The following RNF130 variants were observed in gnomAD, a reference collection of about 807,000 sequenced individuals.
RNF130 encodes the protein ring finger protein 130.
A neutral mutation model predicts 44.6 loss-of-function variants in RNF130; 21 were observed. The observed-to-expected ratio is 0.47, with a 90% confidence interval of 0.33 to 0.68. RNF130 has a LOEUF of 0.68. Among genes scored for constraint, RNF130 ranks in the 30% least tolerant of loss-of-function variants. RNF130 has a pLI of 0.02. For missense variants in RNF130, 479 were observed against 560.6 expected (o/e 0.85, Z 1.47); for synonymous variants, 214 against 210.4 (o/e 1.02, Z -0.15).
intron 8 of RNF130, 80 bp from the exon 9 acceptor site, chr5:179,955,749 G>T: frequency 8.3e-7 from 1 of 1,199,590 alleles, no homozygotes; most frequent in Non-Finnish European, 1.2e-6. Flanking sequence ...GACCCTAACT[G>T]AAGGGTGGCC....
chr5:180,071,722 G>A lies in RNF130; in HGVS notation c.-20C>T, dbSNP rs1218680189. 1.1e-4 allele frequency: 138 copies of A among 1,237,470 alleles called. No individual in the cohort carries two copies. The highest frequency in any genetic ancestry group is 1.4e-4 in the Non-Finnish European group (136 of 991,714). The allele number at this position is 1,237,470 out of a possible 1,614,324, so 76.7% of individuals were successfully genotyped here. ...GCTCATCGTCCCTCCGGCAGCCGCC[G>A]CTGCTCGCGGACCGGGCTCCGGGGC... On this transcript the variant is annotated 5_prime_UTR_variant, in exon 1 of 9. Coordinates refer to ENST00000521389, the MANE Select transcript of RNF130 (RefSeq NM_018434.6).
intron 2 of RNF130, among the ~76,000 whole-genome samples, chr5:180,030,503 G>A (rs572057353): frequency 4.6e-5 from 7 of 152,138 alleles, no homozygotes; most frequent in South Asian, 2.1e-4. Flanking sequence ...ATTCACTCAC[G>A]CCGTTTTTAA....
chr5:180,056,223 A>C (rs577336623), intron 1 of RNF130, among the ~76,000 whole-genome samples: 1 of 151,686 alleles, frequency 6.6e-6, no homozygotes, highest in Non-Finnish European at 1.5e-5. Context: ...TCTTAGCCTA[A>C]GTGTTGAGCC....
intron 7 of RNF130, among the ~76,000 whole-genome samples, chr5:179,936,070 T>C (rs1424564505): frequency 2.0e-5 from 3 of 152,236 alleles, no homozygotes; most frequent in Admixed American, 6.5e-5. Context: ...TCCTTCTGCC[T>C]GAAAAACTAG....
chr5:180,056,408 G>C (rs1257208827), intron 1 of RNF130, among the ~76,000 whole-genome samples: 3 of 152,206 alleles, frequency 2.0e-5, no homozygotes, highest in Non-Finnish European at 4.4e-5. Flanking sequence ...GCTGCAACAG[G>C]TGTGGAGAGA....
chr5:179,962,464 G>A (rs1025271649), intron 8 of RNF130, among the ~76,000 whole-genome samples: 11 of 152,116 alleles, frequency 7.2e-5, no homozygotes, highest in Admixed American at 2.0e-4. Flanking sequence ...GTATCAGGAC[G>A]TAATTGAATA....
In RNF130 at chr5:179,992,729, TTTA is replaced by T. The variant is rs557302076; in HGVS notation, c.694-12532_694-12530del. ...ATTATTTTTTATTTTTTATGGTTTATTTATTATTATTATACTTTAAGTTCTAGG... is the reference window on the plus strand; with the variant it reads ...ATTATTTTTTATTTTTTATGGTTTATTTATTATTATACTTTAAGTTCTAGG... On this transcript the variant is annotated intron_variant, in intron 3 of 8. Transcript: ENST00000521389. Among the ~76,000 whole-genome samples, 548 of 152,206 alleles carry T rather than the reference TTTA, an allele frequency of 3.6e-3. 4 individuals carry two copies. Among genetic ancestry groups the T allele is most frequent in the Middle Eastern group, 0.014 (4 of 294 alleles).
chr5:179,970,570 A>G (rs1465443068), intron 5 of RNF130, 64 bp from the exon 6 acceptor site: 13 of 1,248,550 alleles, frequency 1.0e-5, no homozygotes, highest in Non-Finnish European at 1.5e-5. Context: ...GCCAAAATGG[A>G]AAGAAAGGGA....
chr5:180,067,829 C>T (rs1765142450), intron 1 of RNF130, among the ~76,000 whole-genome samples: 1 of 152,080 alleles, frequency 6.6e-6, no homozygotes, highest in Non-Finnish European at 1.5e-5. Context: ...ATTACATGAC[C>T]CCTTTCACCC....
chr5:179,956,858 C>A (rs1762224352), intron 8 of RNF130, among the ~76,000 whole-genome samples: 1 of 152,242 alleles, frequency 6.6e-6, no homozygotes, highest in Non-Finnish European at 1.5e-5. Flanking sequence ...GCACTGCGAG[C>A]CCCGTGCTTG....
At chr5:179,946,981 G>A (rs1450971571) in intron 7 of RNF130, among the ~76,000 whole-genome samples, 1 of 151,772 alleles carries the variant, frequency 6.6e-6, no homozygotes, top group Non-Finnish European at 1.5e-5. Flanking sequence ...GGCAAATAAA[G>A]TACTCTCCTT....
intron 7 of RNF130, among the ~76,000 whole-genome samples, chr5:179,942,618 A>T (rs1041620599): frequency 6.6e-6 from 1 of 152,212 alleles, no homozygotes; most frequent in Admixed American, 6.5e-5. Context: ...AAGAGAACAG[A>T]ATTCTATACA....
At chr5:179,925,898 G>A (rs1304906523) in intron 7 of RNF130, among the ~76,000 whole-genome samples, 1 of 152,176 alleles carries the variant, frequency 6.6e-6, no homozygotes, top group Non-Finnish European at 1.5e-5. Context: ...GACGGAGAAC[G>A]TGCCTCAAAG....
In RNF130 at chr5:179,977,581, G is replaced by A. The variant is rs1173594450; in HGVS notation, c.848+622C>T. Among the ~76,000 whole-genome samples the A allele has an allele frequency of 5.9e-5, 9 of 152,132 alleles. No homozygotes were observed. Among genetic ancestry groups the A allele is most frequent in the East Asian group, 1.9e-4 (1 of 5,198 alleles). On this transcript the variant is annotated intron_variant, in intron 5 of 8. Transcript: ENST00000521389. The surrounding 1 kb of genome is among the most constrained non-coding windows in gnomAD (Gnocchi z 4.1). ...TCTTTAAAGAAAACAGGCCGGGTGCGGTGGCTCACGCCTGTAATCCCAGGA... is the reference window on the plus strand; with the variant it reads ...TCTTTAAAGAAAACAGGCCGGGTGCAGTGGCTCACGCCTGTAATCCCAGGA...
At chr5:179,936,466 C>A (rs1279300487) in intron 7 of RNF130, among the ~76,000 whole-genome samples, 1 of 152,090 alleles carries the variant, frequency 6.6e-6, no homozygotes, top group East Asian at 1.9e-4. Context: ...TGAGCTCAAG[C>A]AATCCTCCTG....
Position 179,993,800 on chromosome 5 carries a change from C to T in RNF130, c.694-13600G>A, listed in dbSNP as rs1163123313. 5.5e-4 allele frequency among the ~76,000 whole-genome samples: 83 copies of T among 152,280 alleles called. 1 individual carries two copies. The highest frequency in any genetic ancestry group is 4.8e-3 in the Admixed American group (73 of 15,304). On this transcript the variant is annotated intron_variant, in intron 3 of 8. Coordinates refer to ENST00000521389, the MANE Select transcript of RNF130 (RefSeq NM_018434.6). ...GTGTTTTAGACATGAAGTCCTTGCC[C>T]ATGCCTATGTCCTGAATGGTATTGC...
chr5:180,059,596 G>A lies in RNF130; in HGVS notation c.247+11860C>T, dbSNP rs150104980. ...CTGCTGATAACATGCAAATGAGAAG[G>A]TGCATCACTGACCTTTAAGGAGTCA... On this transcript the variant is annotated intron_variant, in intron 1 of 8. Coordinates refer to ENST00000521389, the MANE Select transcript of RNF130 (RefSeq NM_018434.6). Among the ~76,000 whole-genome samples the A allele has an allele frequency of 1.4e-3, 218 of 152,156 alleles. 1 individual carries two copies. The highest frequency in any genetic ancestry group is 2.8e-3 in the Non-Finnish European group (187 of 67,880).
chr5:179,927,793 T>C (rs995674879), intron 7 of RNF130, among the ~76,000 whole-genome samples: 6 of 152,122 alleles, frequency 3.9e-5, no homozygotes, highest in African/African-American at 1.2e-4. Flanking sequence ...GCTTTCACCA[T>C]GTTAGCCAGG....
At chr5:179,933,228 G>A (rs1294974568) in intron 7 of RNF130, among the ~76,000 whole-genome samples, 2 of 152,026 alleles carry the variant, frequency 1.3e-5, no homozygotes, top group African/African-American at 4.8e-5. Flanking sequence ...AATCATCTAG[G>A]CCCAGAGTTT....
Sources: gnomAD v4.1 joint callset for allele counts (sites outside exome capture counted in the v4.1 genomes callset) on GRCh38, gnomAD v4.1.1 for gene constraint, Gnocchi (gnomAD v3.1) non-coding constraint, MANE v1.5 for transcripts, NCBI Gene and HGNC (gene_info 2026-07-23, HGNC 2026-07-21) for gene names.